PSD4: variants seen among roughly 807,000 people sequenced by gnomAD.
PSD4 encodes the protein pleckstrin and Sec7 domain containing 4.
A neutral mutation model predicts 112.5 loss-of-function variants in PSD4; 59 were observed. That is an observed-to-expected ratio of 0.52 (90% CI 0.43 to 0.65). The LOEUF (loss-of-function observed/expected upper bound fraction) is 0.65, where lower values mean the gene tolerates loss of function less well. PSD4 is among the 30% of genes least tolerant of loss of function. PSD4 has a pLI of 0.00. For missense variants in PSD4, 1,267 were observed against 1,352.6 expected, an observed-to-expected ratio of 0.94 and a Z score of 0.99; for synonymous variants, 533 against 540.0, an observed-to-expected ratio of 0.99 and a Z score of 0.18.
Position 113,184,622 on chromosome 2 carries a change from C to T in PSD4, c.1057-335C>T, listed in dbSNP as rs11890206. On this transcript the variant is annotated intron_variant, in intron 2 of 16. Transcript: ENST00000245796. ...TCCTGACCTCAGGTGTTCCAAACAC[C>T]TGGGCGTCCCAGAGTGCTGGGATTA... Among the ~76,000 whole-genome samples, 652 of 152,246 alleles carry T rather than the reference C, an allele frequency of 4.3e-3. 5 individuals are homozygous for T. Among genetic ancestry groups the T allele is most frequent in the African/African-American group, 0.015 (626 of 41,546 alleles).
chr2:113,198,397 G>A (rs1428320094), intron 14 of PSD4, among the ~76,000 whole-genome samples: 2 of 152,330 alleles, frequency 1.3e-5, no homozygotes, highest in Middle Eastern at 3.4e-3. Context: ...TGAGCCTCCC[G>A]AGTAGCTGGG....
chr2:113,199,483 A>G (rs1281137433), intron 16 of PSD4, among the ~76,000 whole-genome samples: 2 of 152,256 alleles, frequency 1.3e-5, no homozygotes, highest in African/African-American at 4.8e-5. Flanking sequence ...GGCACATAGC[A>G]GCTGCTTGTC....
In PSD4 at chr2:113,183,154, C is replaced by CT; in HGVS notation, c.700dup (p.Ser234PhefsTer7). 1 of 1,614,180 alleles carries CT rather than the reference C, an allele frequency of 6.2e-7. No homozygotes were observed. Among genetic ancestry groups the CT allele is most frequent in the Non-Finnish European group, 8.5e-7 (1 of 1,180,010 alleles). On this transcript the variant is annotated frameshift_variant, in exon 2 of 17. Transcript: ENST00000245796. LOFTEE classifies it high-confidence loss of function. ...TGGCTGAGAGAGGGAACCCCAGACT[C>CT]TTCCCCACAGTGGGGAGCTGAGGAG... is the stretch of plus-strand genomic sequence containing the variant.
intron 12 of PSD4, 173 bp from the exon 13 acceptor site, chr2:113,197,391 G>GTT: frequency 1.4e-6 from 1 of 714,122 alleles, no homozygotes; most frequent in Non-Finnish European, 2.5e-6. Context: ...CTATATGTTT[G>GTT]TTTACGATTG....
intron 5 of PSD4, among the ~76,000 whole-genome samples, chr2:113,186,884 T>A (rs566679963): frequency 2.0e-5 from 3 of 152,294 alleles, no homozygotes; most frequent in African/African-American, 7.2e-5. Context: ...CAAGACTATA[T>A]GCCCCTGGGA....
chr2:113,177,428 C>A (rs1432363849), intron 1 of PSD4, among the ~76,000 whole-genome samples: 2 of 152,188 alleles, frequency 1.3e-5, no homozygotes, highest in Non-Finnish European at 2.9e-5. Context: ...GACTCTCAGT[C>A]AAGGAGGCGC....
chr2:113,188,217 T>C (rs1688351574), intron 5 of PSD4, among the ~76,000 whole-genome samples: 1 of 152,220 alleles, frequency 6.6e-6, no homozygotes, highest in South Asian at 2.1e-4. Context: ...TATGCAAATA[T>C]AAATTATCAT....
At position 113,185,357 on chromosome 2, in the gene PSD4, C is replaced by T. The variant is rs910418788; in HGVS notation, c.1174-8C>T. 1.2e-5 allele frequency: 20 copies of T among 1,614,166 alleles called. No homozygotes were observed. The highest frequency in any genetic ancestry group is 4.4e-5 in the South Asian group (4 of 91,084). On this transcript the variant is annotated splice_region_variant and splice_polypyrimidine_tract_variant and intron_variant, in intron 3 of 16. Transcript: ENST00000245796. ...GGCTCATGGGAATGCCTTTGCCTCT[C>T]TCAACAGGCCTCTCTCAGCCCTGAG...
intron 6 of PSD4, 73 bp downstream of exon 6, chr2:113,192,662 A>G: frequency 1.3e-6 from 2 of 1,484,332 alleles, no homozygotes; most frequent in Non-Finnish European, 9.3e-7. Flanking sequence ...GGCTCCCTCC[A>G]CTGGCCACCC....
At position 113,185,432 on chromosome 2, in the gene PSD4, A is replaced by T. The variant is rs747092812; in HGVS notation, c.1241A>T (p.Gln414Leu). The change falls in exon 4 of 17, where the codon CAG (glutamine) becomes CTG (leucine). Residue 414 changes from glutamine (Q) to leucine (L), a missense_variant. Coordinates refer to ENST00000245796, the MANE Select transcript of PSD4 (RefSeq NM_012455.3). ...TGGCCCCAGGTGACTCTTAACTCCC[A>T]GGACAGAGGTGAGCCCTAATAAGGG... ...PFWPQVTLNS[Q>L]DRDEREGGHP... The T allele has an allele frequency of 1.2e-6, 2 of 1,614,162 alleles. No individual in the cohort carries two copies. Among genetic ancestry groups the T allele is most frequent in the Admixed American group, 3.3e-5 (2 of 60,034 alleles).
intron 4 of PSD4, 141 bp from the exon 5 acceptor site, chr2:113,185,736 A>C (rs936638047): frequency 6.5e-7 from 1 of 1,549,612 alleles, no homozygotes; most frequent in Non-Finnish European, 8.7e-7. Context: ...TGCAAGTGGG[A>C]GAGGTCACTG....
chr2:113,207,240 T>C lies in PSD4; in HGVS notation c.*5825T>C, dbSNP rs537776486. 7.5e-4 allele frequency: 114 copies of C among 152,382 alleles called. No individual in the cohort carries two copies. Among genetic ancestry groups the C allele is most frequent in the Non-Finnish European group, 1.4e-3 (97 of 68,148 alleles). The allele number at this position is 152,382 out of a possible 1,614,324, so 9.4% of individuals were successfully genotyped here. ...GTTTAAGGAGATCAGAGTCCACTTC[T>C]GGAGAGGATGAGAGTGAAGTCAGCA... On this transcript the variant is annotated 3_prime_UTR_variant, in exon 17 of 17. Transcript: ENST00000245796.
At chr2:113,198,914 G>A in intron 15 of PSD4, 30 bp downstream of exon 15, 2 of 1,549,504 alleles carry the variant, frequency 1.3e-6, no homozygotes, top group African/African-American at 2.7e-5. Flanking sequence ...GTGGGGTCCG[G>A]CGGAACTGGG....
Position 113,185,871 on chromosome 2 carries a change from C to T in PSD4, c.1250-6C>T. 2 of 1,607,746 alleles carry T rather than the reference C, an allele frequency of 1.2e-6. No individual in the cohort carries two copies. The highest frequency in any genetic ancestry group is 1.7e-6 in the Non-Finnish European group (2 of 1,177,110). On this transcript the variant is annotated splice_polypyrimidine_tract_variant and splice_region_variant and intron_variant, in intron 4 of 16. Transcript: ENST00000245796. ...TGTGCCCGCCTCACTTCATGTTCTT[C>T]CTCAGATGAGAGGGAGGGTGGACAC...
At position 113,192,575 on chromosome 2, in the gene PSD4, C is replaced by T. The variant is rs1399339336; in HGVS notation, c.1824C>T (p.Ala608=). 2 of 1,614,112 alleles carry T rather than the reference C, an allele frequency of 1.2e-6. No homozygotes were observed. Among genetic ancestry groups the T allele is most frequent in the Non-Finnish European group, 1.7e-6 (2 of 1,179,970 alleles). ...LEGFRKSEVA[A]YLQKNNDFSR... is the part of the protein sequence containing the mutation. ...GCTTCCGGAAGTCTGAAGTGGCTGC[C>T]TACCTGCAGAAGAAGTAAGGGGCTT... The change falls in exon 6 of 17, where the codon GCC becomes GCT. Residue 608 remains alanine (A), a synonymous_variant. Transcript: ENST00000245796.
chr2:113,201,184 G>A lies in PSD4; in HGVS notation c.2940G>A (p.Gln980=). 1.2e-6 allele frequency: 2 copies of A among 1,613,186 alleles called. No homozygotes were observed. ...YEKTRYETYV[Q]LLVARLHCPS... ...AAACCCGCTACGAGACCTACGTGCA[G>A]CTGCTGGTGGCCCGCCTGCACTGCC... Residue 980 remains glutamine (Q), a synonymous_variant, in exon 17 of 17, where the codon CAG becomes CAA. Coordinates refer to ENST00000245796, the MANE Select transcript of PSD4 (RefSeq NM_012455.3).
intron 4 of PSD4, chr2:113,185,675 C>T (rs1336034278): frequency 2.6e-6 from 4 of 1,547,972 alleles, no homozygotes; most frequent in Admixed American, 2.0e-5. Context: ...AGGTCCTGAG[C>T]CCTTAGTTGC....
rs961184265 is a variant in PSD4 at position 113,204,603 on chromosome 2, T to A, written c.*3188T>A. On this transcript the variant is annotated 3_prime_UTR_variant, in exon 17 of 17. Coordinates refer to ENST00000245796, the MANE Select transcript of PSD4 (RefSeq NM_012455.3). ...TTTGGCTTTAGTTCTTCCTTTCCCA[T>A]ATAGGGGAGCTCAGCTTCCAGGGTC... The A allele has an allele frequency of 8.5e-5, 13 of 152,284 alleles. No homozygotes were observed. The highest frequency in any genetic ancestry group is 3.1e-4 in the African/African-American group (13 of 41,542). The allele number at this position is 152,284 out of a possible 1,614,324, so 9.4% of individuals were successfully genotyped here.
In PSD4 at chr2:113,199,072, G is replaced by A. The variant is rs1688700231; in HGVS notation, c.2770-11G>A. 6.6e-7 allele frequency: 1 copy of A among 1,522,496 alleles called. No individual in the cohort carries two copies. Among genetic ancestry groups the A allele is most frequent in the South Asian group, 1.2e-5 (1 of 82,212 alleles). 94.3% of individuals were successfully genotyped at this position (1,522,496 alleles called of 1,614,324 possible). On this transcript the variant is annotated splice_polypyrimidine_tract_variant and intron_variant, in intron 15 of 16. Coordinates refer to ENST00000245796, the MANE Select transcript of PSD4 (RefSeq NM_012455.3). ...CCCGGGACAGCGCCCCTCACCGCCC[G>A]CTGCTCGCAGGAGGAGCAGCATCGA... is the stretch of plus-strand genomic sequence containing the variant.
Sources: gnomAD v4.1 joint callset for allele counts (sites outside exome capture counted in the v4.1 genomes callset) on GRCh38, gnomAD v4.1.1 for gene constraint, MANE v1.5 for transcripts, NCBI Gene and HGNC (gene_info 2026-07-23, HGNC 2026-07-21) for gene names.